Variants in FOXP2 observed in about 807,000 individuals in gnomAD.
FOXP2 encodes forkhead box protein P2.
A neutral mutation model predicts 115.8 loss-of-function variants in FOXP2; 12 were observed. The ratio of observed to expected loss-of-function variants is 0.10; its 90% confidence interval spans 0.07 to 0.17. The LOEUF (loss-of-function observed/expected upper bound fraction) is 0.17, where lower values mean the gene tolerates loss of function less well. Among genes scored for constraint, FOXP2 ranks in the 10% least tolerant of loss-of-function variants. The pLI, the probability that FOXP2 is intolerant of heterozygous loss-of-function variation, is 1.00. For synonymous variants in FOXP2, 328 were observed against 297.7 expected (o/e 1.10, Z -1.05); for missense variants, 629 against 843.5 (o/e 0.75, Z 3.15).
intron 2 of FOXP2, among the ~76,000 whole-genome samples, chr7:114,388,318 GT>G (rs1792504766): frequency 6.7e-6 from 1 of 150,060 alleles, no homozygotes; most frequent in African/African-American, 2.4e-5. Flanking sequence ...TATATTTCTG[GT>G]AAAAAAAAAA....
In FOXP2 at chr7:114,658,195, C is replaced by T. The variant is rs1806690850; in HGVS notation, c.1396C>T (p.Pro466Ser). 1 of 1,613,720 alleles carries T rather than the reference C, an allele frequency of 6.2e-7. No individual in the cohort carries two copies. Among genetic ancestry groups the T allele is most frequent in the Admixed American group, 1.7e-5 (1 of 59,964 alleles). ...PITQGPSVIT[P>S]ASVPNVGAIR... ...TACCCAGGGACCCTCAGTAATCACCCCAGCCAGTGTGCCCAATGTGGGAGC... is the reference window on the plus strand; with the variant it reads ...TACCCAGGGACCCTCAGTAATCACCTCAGCCAGTGTGCCCAATGTGGGAGC... The change falls in exon 11 of 17, where the codon CCA becomes TCA. Residue 466 changes from proline to serine, a missense_variant. Pro to Ser is a moderately conservative substitution (Grantham distance 74). This residue lies in a region of FOXP2 where 101 missense variants were observed against 116.0 expected (regional missense o/e 0.87). Coordinates refer to ENST00000350908, the MANE Select transcript of FOXP2 (RefSeq NM_014491.4).
intron 1 of FOXP2, among the ~76,000 whole-genome samples, chr7:114,157,063 G>T (rs1792691034): frequency 6.6e-6 from 1 of 152,024 alleles, no homozygotes; most frequent in South Asian, 2.1e-4. Flanking sequence ...GAAAACAAAA[G>T]ATTAAGAAGG....
chr7:114,598,215 G>T (rs974519934), intron 3 of FOXP2, among the ~76,000 whole-genome samples: 1 of 152,070 alleles, frequency 6.6e-6, no homozygotes, highest in African/African-American at 2.4e-5. Flanking sequence ...TCCAAGGACA[G>T]GCAAACCAAT....
At chr7:114,214,988 T>C (rs1295456656) in intron 1 of FOXP2, among the ~76,000 whole-genome samples, 1 of 152,194 alleles carries the variant, frequency 6.6e-6, no homozygotes, top group East Asian at 1.9e-4. Flanking sequence ...GCATTTTGGA[T>C]ATAGTTTATA....
chr7:114,113,882 A>G (rs563523088), intron 1 of FOXP2, among the ~76,000 whole-genome samples: 1 of 152,194 alleles, frequency 6.6e-6, no homozygotes, highest in South Asian at 2.1e-4. Flanking sequence ...AATTTTACCA[A>G]TTTTAAAATA....
intron 2 of FOXP2, among the ~76,000 whole-genome samples, chr7:114,383,816 A>G (rs959909118): frequency 6.6e-6 from 1 of 152,180 alleles, no homozygotes; most frequent in Non-Finnish European, 1.5e-5. Context: ...TAAGGATGCC[A>G]GCACCCCTAG....
intron 2 of FOXP2, among the ~76,000 whole-genome samples, chr7:114,383,677 C>A (rs1206884470): frequency 2.0e-5 from 3 of 152,186 alleles, no homozygotes; most frequent in Non-Finnish European, 2.9e-5. Context: ...CGTGGCCAGG[C>A]GGTACTGCAG....
chr7:114,495,483 C>CTCTCTTTTTTT (rs776653007), intron 2 of FOXP2, among the ~76,000 whole-genome samples: 1 of 61,446 alleles, frequency 1.6e-5, no homozygotes, highest in African/African-American at 6.9e-5. Flanking sequence ...TTCTCTCTCT[C>CTCTCTTTTTTT]TTTTTTTTTT....
intron 2 of FOXP2, among the ~76,000 whole-genome samples, chr7:114,381,009 G>A (rs1203842154): frequency 6.6e-6 from 1 of 152,216 alleles, no homozygotes; most frequent in Non-Finnish European, 1.5e-5. Flanking sequence ...CTTCTTTAGG[G>A]CCTGGAAAGC....
intron 1 of FOXP2, among the ~76,000 whole-genome samples, chr7:114,249,379 A>T (rs532075598): frequency 6.7e-6 from 1 of 149,966 alleles, no homozygotes; most frequent in African/African-American, 2.5e-5. Flanking sequence ...CGTTCCCCCC[A>T]GTAGGCCCCA....
At chr7:114,548,118 G>A (rs1450629777) in intron 3 of FOXP2, among the ~76,000 whole-genome samples, 1 of 152,140 alleles carries the variant, frequency 6.6e-6, no homozygotes. Flanking sequence ...ATGGCCACAA[G>A]ATAACTCTCC....
intron 2 of FOXP2, among the ~76,000 whole-genome samples, chr7:114,507,752 T>C (rs372571219): frequency 1.3e-5 from 2 of 152,016 alleles, no homozygotes; most frequent in African/African-American, 2.4e-5. Flanking sequence ...AACTCCCCTG[T>C]TGACTTTTGC....
intron 3 of FOXP2, among the ~76,000 whole-genome samples, chr7:114,618,844 A>G (rs1804086107): frequency 6.6e-6 from 1 of 152,178 alleles, no homozygotes; most frequent in African/African-American, 2.4e-5. Context: ...AATTTATTAC[A>G]TAGAATTAAG....
At chr7:114,438,340 A>G (rs948657227) in intron 2 of FOXP2, among the ~76,000 whole-genome samples, 1 of 152,162 alleles carries the variant, frequency 6.6e-6, no homozygotes, top group African/African-American at 2.4e-5. Context: ...GGTCCCCTAT[A>G]AAAGAGAAGG....
chr7:114,196,656 A>G (rs959049554), intron 1 of FOXP2, among the ~76,000 whole-genome samples: 9 of 152,140 alleles, frequency 5.9e-5, no homozygotes, highest in African/African-American at 1.9e-4. Context: ...ATCATCTGGG[A>G]ACTACTGTCA....
intron 3 of FOXP2, among the ~76,000 whole-genome samples, chr7:114,558,596 A>G (rs1333076150): frequency 6.6e-6 from 1 of 152,196 alleles, no homozygotes; most frequent in Non-Finnish European, 1.5e-5. Context: ...TCAGGGGGTC[A>G]GACACCTTCA....
intron 2 of FOXP2, among the ~76,000 whole-genome samples, chr7:114,451,701 G>A (rs968228697): frequency 3.3e-5 from 5 of 152,012 alleles, no homozygotes; most frequent in Non-Finnish European, 7.4e-5. Context: ...GCTTATGGTA[G>A]CTGCTTAATA....
intron 3 of FOXP2, among the ~76,000 whole-genome samples, chr7:114,590,970 CA>C (rs1179444059): frequency 2.6e-5 from 4 of 152,092 alleles, no homozygotes; most frequent in Admixed American, 1.3e-4. Flanking sequence ...AAAGTAAATT[CA>C]AAACTCTTAT....
In FOXP2 at chr7:114,688,208, TACACACAC is replaced by T. The variant is rs56751704; in HGVS notation, c.2004-1542_2004-1535del. Among the ~76,000 whole-genome samples the T allele has an allele frequency of 7.8e-4, 90 of 115,360 alleles. 1 individual carries two copies. The highest frequency in any genetic ancestry group is 2.5e-3 in the South Asian group (8 of 3,264). 75.7% of individuals were successfully genotyped at this position (115,360 alleles called of 152,430 possible). Reference sequence around the variant, plus strand: ...ACACACAAACACATGCATACATGCATACACACACACACACACACACACACACACACACA... The same window carrying T: ...ACACACAAACACATGCATACATGCATACACACACACACACACACACACACA... On this transcript the variant is annotated intron_variant, in intron 16 of 16. Transcript: ENST00000350908.
Sources: allele counts gnomAD v4.1 joint callset (sites outside exome capture counted in the v4.1 genomes callset), GRCh38; gene constraint gnomAD v4.1.1; regional missense constraint gnomAD v4.1.1; transcripts MANE v1.5; gene names NCBI Gene and HGNC (gene_info 2026-07-23, HGNC 2026-07-21).